Variants in DAB1 observed in about 807,000 individuals in gnomAD.
The protein encoded by DAB1 is DAB adaptor protein 1.
DAB1 carries 15 observed loss-of-function variants against 64.6 expected under a neutral mutation model. That is an observed-to-expected ratio of 0.23 (90% confidence interval 0.16 to 0.36). DAB1 has a LOEUF of 0.36. Ranked by LOEUF, DAB1 falls within the 10% of genes least tolerant of loss-of-function variation. The probability of loss-of-function intolerance (pLI) is 1.00; values close to 1 mark genes in which losing one functional copy is unlikely to be tolerated. For missense variants in DAB1, 596 were observed against 706.7 expected, an observed-to-expected ratio of 0.84 and a Z score of 1.78; for synonymous variants, 235 against 251.9, an observed-to-expected ratio of 0.93 and a Z score of 0.64.
intron 2 of DAB1, among the ~76,000 whole-genome samples, chr1:57,147,215 G>T (rs1339043987): frequency 1.3e-5 from 2 of 151,808 alleles, no homozygotes; most frequent in African/African-American, 2.4e-5. Context: ...TAGAGATGGG[G>T]TTTTGCCATG....
chr1:57,669,198 T>C (rs1241342816), intron 6 of DAB1, among the ~76,000 whole-genome samples: 1 of 152,064 alleles, frequency 6.6e-6, no homozygotes, highest in East Asian at 1.9e-4. Flanking sequence ...CTAGAAAAAG[T>C]GCTGAGAAAG....
At chr1:57,263,906 TACCTCATTCCA>T (rs1328880317) in intron 2 of DAB1, among the ~76,000 whole-genome samples, 6 of 151,978 alleles carry the variant, frequency 3.9e-5, no homozygotes, top group Non-Finnish European at 8.8e-5. Flanking sequence ...AGCTCAGGAG[TACCTCATTCCA>T]AACCCACATT....
intron 4 of DAB1, among the ~76,000 whole-genome samples, chr1:58,198,164 G>A (rs1657794278): frequency 6.6e-6 from 1 of 152,228 alleles, no homozygotes. Flanking sequence ...TCAGAGTACA[G>A]AGAGCTGTCC....
At chr1:58,519,373 T>C (rs894059779) in intron 2 of DAB1, among the ~76,000 whole-genome samples, 1 of 152,162 alleles carries the variant, frequency 6.6e-6, no homozygotes, top group Non-Finnish European at 1.5e-5. Context: ...ACAGGATTCA[T>C]CTGCAGACAC....
chr1:57,668,083 T>G (rs950361456), intron 6 of DAB1, among the ~76,000 whole-genome samples: 3 of 152,004 alleles, frequency 2.0e-5, no homozygotes, highest in Non-Finnish European at 4.4e-5. Flanking sequence ...AGGAACTGAA[T>G]TTTTTACTTT....
At chr1:57,288,893 C>A (rs895753661) in intron 2 of DAB1, among the ~76,000 whole-genome samples, 1 of 152,122 alleles carries the variant, frequency 6.6e-6, no homozygotes, top group Non-Finnish European at 1.5e-5. Context: ...GCCTTATTTT[C>A]ATTAATCTTC....
chr1:57,154,417 C>T (rs1458603871), intron 2 of DAB1, among the ~76,000 whole-genome samples: 1 of 152,206 alleles, frequency 6.6e-6, no homozygotes, highest in Non-Finnish European at 1.5e-5. Context: ...GTAAATGTAA[C>T]ATTTTCTTTA....
chr1:58,068,125 T>G (rs1368932990), intron 5 of DAB1, among the ~76,000 whole-genome samples: 1 of 152,136 alleles, frequency 6.6e-6, no homozygotes, highest in South Asian at 2.1e-4. Context: ...CAGGGAAGGC[T>G]CACATTGGGT....
chr1:57,691,950 G>A (rs1008060469), intron 6 of DAB1, among the ~76,000 whole-genome samples: 1 of 152,098 alleles, frequency 6.6e-6, no homozygotes, highest in Non-Finnish European at 1.5e-5. Flanking sequence ...CAGGCTTTCT[G>A]GGAAAGGGCT....
chr1:57,552,056 G>A (rs185459176), intron 7 of DAB1, among the ~76,000 whole-genome samples: 19 of 152,256 alleles, frequency 1.2e-4, no homozygotes, highest in East Asian at 1.2e-3. Context: ...GGCATCCCCC[G>A]TTTTCCTCCT....
chr1:57,236,521 G>A (rs1449669217), intron 2 of DAB1, among the ~76,000 whole-genome samples: 1 of 152,122 alleles, frequency 6.6e-6, no homozygotes, highest in Admixed American at 6.5e-5. Flanking sequence ...CTAGAAGAAC[G>A]AACTTCAAGG....
chr1:57,057,819 A>G (rs536294062), intron 9 of DAB1, among the ~76,000 whole-genome samples: 38 of 152,006 alleles, frequency 2.5e-4, no homozygotes, highest in South Asian at 8.3e-4. Context: ...TGTATTAGCC[A>G]GGATGGTCTC....
At chr1:57,556,858 T>C (rs370226828) in intron 7 of DAB1, among the ~76,000 whole-genome samples, 40 of 152,346 alleles carry the variant, frequency 2.6e-4, no homozygotes, top group African/African-American at 8.7e-4. Context: ...CCTAAGCCAA[T>C]GTCTAGAAGG....
intron 7 of DAB1, among the ~76,000 whole-genome samples, chr1:57,497,653 C>A (rs1223887163): frequency 6.6e-6 from 1 of 152,060 alleles, no homozygotes; most frequent in African/African-American, 2.4e-5. Flanking sequence ...AGGGTGTACG[C>A]TAGGTAAAGA....
Position 57,015,152 on chromosome 1 carries a change from C to T in DAB1, c.1175G>A (p.Gly392Asp). The T allele has an allele frequency of 6.2e-7, 1 of 1,614,122 alleles. No individual in the cohort carries two copies. Among genetic ancestry groups the T allele is most frequent in the Non-Finnish European group, 8.5e-7 (1 of 1,180,028 alleles). The change falls in exon 12 of 15, where the codon GGC becomes GAC. Residue 392 changes from glycine (G) to aspartate (D), a missense_variant. Coordinates refer to ENST00000371236, the MANE Select transcript of DAB1 (RefSeq NM_001365792.1). ...GPLTPLATVP[G>D]TSDSTRSSPQ... ...ACTTGACCTGGTGGAGTCACTCGTGCCTGGGACGGTGGCAAGGGGGGTGAG... is the reference window on the plus strand; with the variant it reads ...ACTTGACCTGGTGGAGTCACTCGTGTCTGGGACGGTGGCAAGGGGGGTGAG...
chr1:57,918,678 G>T (rs2102019557), intron 5 of DAB1, among the ~76,000 whole-genome samples: 1 of 152,254 alleles, frequency 6.6e-6, no homozygotes, highest in South Asian at 2.1e-4. Flanking sequence ...CAAAAAATTA[G>T]CCGGGCATGG....
At chr1:57,397,918 A>G (rs1357248106) in intron 1 of DAB1, among the ~76,000 whole-genome samples, 1 of 152,184 alleles carries the variant, frequency 6.6e-6, no homozygotes, top group Non-Finnish European at 1.5e-5. Context: ...ACCCTGTTTA[A>G]CTCAGTCAAC....
intron 7 of DAB1, among the ~76,000 whole-genome samples, chr1:57,617,278 C>T (rs186195210): frequency 1.0e-3 from 154 of 152,170 alleles, no homozygotes; most frequent in African/African-American, 3.6e-3. Flanking sequence ...AATGACCAAC[C>T]GCCAGTGTAC....
At chr1:58,321,375 A>G (rs1274231552) in intron 4 of DAB1, among the ~76,000 whole-genome samples, 1 of 152,146 alleles carries the variant, frequency 6.6e-6, no homozygotes, top group African/African-American at 2.4e-5. Context: ...CTGCATTTCC[A>G]ACTGAGGTAC....
Sources: allele counts gnomAD v4.1 joint callset (sites outside exome capture counted in the v4.1 genomes callset), GRCh38; gene constraint gnomAD v4.1.1; transcripts MANE v1.5; gene names NCBI Gene and HGNC (gene_info 2026-07-23, HGNC 2026-07-21).